Variants in WWP2 observed in about 807,000 individuals in gnomAD.
The protein encoded by WWP2 is WW domain containing E3 ubiquitin protein ligase 2.
In WWP2, 57 loss-of-function variants were observed where a neutral mutation model predicts 121.0. The ratio of observed to expected loss-of-function variants is 0.47; its 90% confidence interval spans 0.38 to 0.59. WWP2 has a LOEUF of 0.59. Among genes scored for constraint, WWP2 ranks in the 20% least tolerant of loss-of-function variants. The pLI, the probability that WWP2 is intolerant of heterozygous loss-of-function variation, is 0.00. For missense variants in WWP2, 962 were observed against 1,158.9 expected (o/e 0.83, Z 2.47); for synonymous variants, 449 against 441.3 (o/e 1.02, Z -0.22).
rs1236616285 is a variant in WWP2, at chr16:69,934,137, G to A, written c.1842+8G>A. The A allele has an allele frequency of 4.3e-6, 7 of 1,614,018 alleles. No homozygotes were observed. Among genetic ancestry groups the A allele is most frequent in the Non-Finnish European group, 4.2e-6 (5 of 1,179,952 alleles). Reference sequence around the variant, plus strand: ...GGCAGATTCATCGCCATGGTAAGGGGGCCCCAGGGGTCTGCCTAGTTCCCT... The same window carrying A: ...GGCAGATTCATCGCCATGGTAAGGGAGCCCCAGGGGTCTGCCTAGTTCCCT... On this transcript the variant is annotated splice_region_variant and intron_variant, in intron 17 of 23. Coordinates refer to ENST00000359154, the MANE Select transcript of WWP2 (RefSeq NM_001270454.2).
intron 7 of WWP2, among the ~76,000 whole-genome samples, chr16:69,883,367 G>A (rs975069138): frequency 5.9e-4 from 88 of 150,104 alleles, no homozygotes; most frequent in African/African-American, 2.1e-3. Context: ...GACTCCTGAG[G>A]TTCTTTCAAG....
intron 8 of WWP2, among the ~76,000 whole-genome samples, chr16:69,889,711 T>C (rs562646786): frequency 1.3e-5 from 2 of 152,318 alleles, no homozygotes; most frequent in South Asian, 2.1e-4. Context: ...CTGATCATGG[T>C]TGGGGCCAGT....
chr16:69,771,565 A>C (rs1236804249), intron 1 of WWP2, among the ~76,000 whole-genome samples: 1 of 152,152 alleles, frequency 6.6e-6, no homozygotes, highest in Non-Finnish European at 1.5e-5. Flanking sequence ...CTTTGTAGTA[A>C]GTTTTAAAAT....
Position 69,799,158 on chromosome 16 carries a change from G to C in WWP2, c.219-16G>C. 6.2e-7 allele frequency: 1 copy of C among 1,607,888 alleles called. No homozygotes were observed. Among genetic ancestry groups the C allele is most frequent in the South Asian group, 1.1e-5 (1 of 90,166 alleles). The stretch of plus-strand genomic sequence containing the variant: ...TGATCTGCTTGGATGTAATGAATCA[G>C]GTATTTGTTTTTCAGGAATGTCACG... On this transcript the variant is annotated splice_polypyrimidine_tract_variant and intron_variant, in intron 3 of 23. Coordinates refer to ENST00000359154, the MANE Select transcript of WWP2 (RefSeq NM_001270454.2). This position sits in a 1 kb window ranked among gnomAD's most constrained non-coding sequence, Gnocchi z 4.5.
intron 7 of WWP2, among the ~76,000 whole-genome samples, chr16:69,877,932 C>T (rs895231706): frequency 1.3e-5 from 2 of 152,124 alleles, no homozygotes; most frequent in African/African-American, 2.4e-5. Flanking sequence ...CTCAGCCCCC[C>T]CAGTAGCTGG....
At chr16:69,887,024 CCA>C (rs2057937879) in intron 7 of WWP2, among the ~76,000 whole-genome samples, 1 of 152,176 alleles carries the variant, frequency 6.6e-6, no homozygotes, top group South Asian at 2.1e-4. Flanking sequence ...TTCCAAAAAA[CCA>C]CAGTTCTTTG....
rs559742728 is a variant in WWP2 at position 69,871,805 on chromosome 16, A to T, written c.577A>T (p.Thr193Ser). 1.7e-4 allele frequency: 278 copies of T among 1,614,092 alleles called. 3 individuals are homozygous for T. In the South Asian group the frequency reaches 2.8e-3, roughly 16 times the overall value. The change falls in exon 7 of 24, where the codon ACG becomes TCG. Residue 193 changes from threonine to serine, a missense_variant and splice_region_variant. Physicochemically the swap from Thr to Ser is moderately conservative, Grantham distance 58 (BLOSUM62 1). Transcript: ENST00000359154. The part of the protein sequence containing the change: ...STNCFGGRSR[T>S]HRHSGASART... Reference sequence around the variant, plus strand: ...CTGCTTTCTACTTTGAACCCCCAGGACGCACAGACATTCGGGTGCTTCAGC... The same window carrying T: ...CTGCTTTCTACTTTGAACCCCCAGGTCGCACAGACATTCGGGTGCTTCAGC...
At chr16:69,782,911 T>A (rs1244288325) in intron 1 of WWP2, 2 of 151,962 alleles carry the variant, frequency 1.3e-5, no homozygotes. Context: ...GCTCACATGA[T>A]CCTCTTGCCG....
intron 2 of WWP2, among the ~76,000 whole-genome samples, chr16:69,797,627 G>A (rs1320728135): frequency 3.3e-5 from 5 of 152,078 alleles, no homozygotes; most frequent in Admixed American, 1.3e-4. Flanking sequence ...GGTGGCTCAC[G>A]CCTGTAATCC....
intron 9 of WWP2, 152 bp downstream of exon 9, chr16:69,909,002 A>T: frequency 1.4e-6 from 2 of 1,447,972 alleles, no homozygotes. Context: ...ACTTACCTTA[A>T]TATTGCTCCC....
chr16:69,830,857 C>T lies in WWP2; in HGVS notation c.341-9269C>T, dbSNP rs60682617. ...TTCTCTCTAGACCTGGGGTGGACTCCAGCCTGTGTGTGTCTGAGTTTCAGG... is the reference window on the plus strand; with the variant it reads ...TTCTCTCTAGACCTGGGGTGGACTCTAGCCTGTGTGTGTCTGAGTTTCAGG... On this transcript the variant is annotated intron_variant, in intron 4 of 23. Coordinates refer to ENST00000359154, the MANE Select transcript of WWP2 (RefSeq NM_001270454.2). 2.4e-3 allele frequency among the ~76,000 whole-genome samples: 363 copies of T among 152,290 alleles called. 6 individuals carry two copies. Among genetic ancestry groups the T allele is most frequent in the African/African-American group, 8.1e-3 (337 of 41,566 alleles).
chr16:69,911,486 A>G (rs758199264), intron 9 of WWP2, among the ~76,000 whole-genome samples: 11 of 152,140 alleles, frequency 7.2e-5, no homozygotes, highest in Non-Finnish European at 1.2e-4. Context: ...GGAAGGATGC[A>G]TGGGGTGGTT....
At chr16:69,828,020 G>A (rs145761817) in intron 4 of WWP2, 211 of 415,652 alleles carry the variant, frequency 5.1e-4, no homozygotes, top group African/African-American at 4.0e-3. Flanking sequence ...ACCTTGTTAC[G>A]TGGGTGACTG....
chr16:69,907,032 C>T (rs112870497), intron 8 of WWP2, among the ~76,000 whole-genome samples: 51 of 152,192 alleles, frequency 3.4e-4, no homozygotes, highest in Middle Eastern at 3.4e-3. Flanking sequence ...TAAATGATTA[C>T]GAAATAGATA....
chr16:69,935,567 G>A lies in WWP2; in HGVS notation c.1843-286G>A, dbSNP rs8044577. On this transcript the variant is annotated intron_variant, in intron 17 of 23. Transcript: ENST00000359154. The surrounding 1 kb of genome is among the most constrained non-coding windows in gnomAD (Gnocchi z 5.2). ...CTAGGCCAGGAGCCAGCCGGCCAGCGTGCGGGGCAGATGCGGGCCCGGACG... is the reference window on the plus strand; with the variant it reads ...CTAGGCCAGGAGCCAGCCGGCCAGCATGCGGGGCAGATGCGGGCCCGGACG... Among the ~76,000 whole-genome samples, 2 of 152,222 alleles carry A rather than the reference G, an allele frequency of 1.3e-5. No individual in the cohort carries two copies. Among genetic ancestry groups the A allele is most frequent in the African/African-American group, 2.4e-5 (1 of 41,454 alleles).
At chr16:69,864,848 G>A (rs2057490521) in intron 6 of WWP2, among the ~76,000 whole-genome samples, 1 of 151,990 alleles carries the variant, frequency 6.6e-6, no homozygotes, top group African/African-American at 2.4e-5. Flanking sequence ...CTGACTTGAA[G>A]CAATCCGCCT....
At chr16:69,844,224 A>T (rs2057029018) in intron 6 of WWP2, among the ~76,000 whole-genome samples, 1 of 152,190 alleles carries the variant, frequency 6.6e-6, no homozygotes, top group African/African-American at 2.4e-5. Flanking sequence ...TCACGGGGTG[A>T]TGAATGACAG....
rs764918449 is a variant in WWP2 at position 69,939,830 on chromosome 16, A to G, written c.2514-11A>G. 2 of 1,611,362 alleles carry G rather than the reference A, an allele frequency of 1.2e-6. No homozygotes were observed. The highest frequency in any genetic ancestry group is 1.7e-6 in the Non-Finnish European group (2 of 1,178,876). On this transcript the variant is annotated splice_polypyrimidine_tract_variant and intron_variant, in intron 23 of 23. Coordinates refer to ENST00000359154, the MANE Select transcript of WWP2 (RefSeq NM_001270454.2). ...CTAGGGCTGACTGTCGTGCTTCCCC[A>G]CTCTCAATAGCTTCAACCGTCTGGA...
rs889624900 is a variant in WWP2, at chr16:69,935,739, G to A, written c.1843-114G>A. 8 of 1,469,814 alleles carry A rather than the reference G, an allele frequency of 5.4e-6. No individual in the cohort carries two copies. In the African/African-American group the frequency reaches 9.9e-5, roughly 18 times the overall value. 91.0% of individuals were successfully genotyped at this position (1,469,814 alleles called of 1,614,324 possible). ...CCGAGGCAGCTGCTGCTGTAGTTCT[G>A]TCAGGGAAGGAAGGCGGGTAGCGGT... is the stretch of plus-strand genomic sequence containing the variant. On this transcript the variant is annotated intron_variant, in intron 17 of 23. Coordinates refer to ENST00000359154, the MANE Select transcript of WWP2 (RefSeq NM_001270454.2). The surrounding 1 kb of genome is among the most constrained non-coding windows in gnomAD (Gnocchi z 5.2).
Sources: allele counts gnomAD v4.1 joint callset (sites outside exome capture counted in the v4.1 genomes callset), GRCh38; gene constraint gnomAD v4.1.1; non-coding constraint Gnocchi (gnomAD v3.1); transcripts MANE v1.5; gene names NCBI Gene and HGNC (gene_info 2026-07-23, HGNC 2026-07-21).